PRICKLE2: variants seen among roughly 807,000 people sequenced by gnomAD.
The protein encoded by PRICKLE2 is prickle planar cell polarity protein 2.
Under a neutral mutation model 81.4 loss-of-function variants are expected in PRICKLE2, and 21 were observed. That is an observed-to-expected ratio of 0.26 (90% confidence interval 0.18 to 0.37). The LOEUF (loss-of-function observed/expected upper bound fraction) is 0.37, where lower values mean the gene tolerates loss of function less well. Among genes scored for constraint, PRICKLE2 ranks in the 10% least tolerant of loss-of-function variants. The pLI, the probability that PRICKLE2 is intolerant of heterozygous loss-of-function variation, is 1.00. For missense variants in PRICKLE2, 940 were observed against 1,109.0 expected, an observed-to-expected ratio of 0.85 and a Z score of 2.16; for synonymous variants, 456 against 421.5, an observed-to-expected ratio of 1.08 and a Z score of -1.00.
In PRICKLE2 at chr3:64,140,863, C is replaced by T. The variant is rs187652488; in HGVS notation, c.1660+5967G>A. Among the ~76,000 whole-genome samples the T allele has an allele frequency of 3.3e-5, 5 of 152,304 alleles. No homozygotes were observed. In the East Asian group the frequency reaches 9.6e-4, roughly 29 times the overall value. ...AGACAAATCAACAAGCCAGCTGTCA[C>T]AGGAGAGAAAATGCCTATCCCTTCA... On this transcript the variant is annotated intron_variant, in intron 7 of 7. Transcript: ENST00000638394.
intron 2 of PRICKLE2, among the ~76,000 whole-genome samples, chr3:64,184,619 C>A (rs1278978829): frequency 6.6e-6 from 1 of 150,862 alleles, no homozygotes; most frequent in Admixed American, 6.7e-5. Flanking sequence ...GGCTACAGGC[C>A]CACACCAATG....
chr3:64,199,978 T>A (rs1232506307), intron 1 of PRICKLE2: 1 of 152,204 alleles, frequency 6.6e-6, no homozygotes, highest in East Asian at 1.9e-4. Context: ...AACAGCTTTG[T>A]GAAGATACAA....
At chr3:64,115,464 T>C (rs1162108367) in intron 7 of PRICKLE2, among the ~76,000 whole-genome samples, 1 of 151,964 alleles carries the variant, frequency 6.6e-6, no homozygotes, top group African/African-American at 2.4e-5. Flanking sequence ...CCATCTCCCA[T>C]GCAGACACAC....
chr3:64,128,673 G>A (rs1024283509), intron 7 of PRICKLE2, among the ~76,000 whole-genome samples: 4 of 150,362 alleles, frequency 2.7e-5, no homozygotes, highest in African/African-American at 9.8e-5. Context: ...GTGAACCCGG[G>A]AGGGAGAGGT....
At chr3:64,117,046 A>G (rs567594774) in intron 7 of PRICKLE2, among the ~76,000 whole-genome samples, 1 of 152,372 alleles carries the variant, frequency 6.6e-6, no homozygotes, top group East Asian at 1.9e-4. Flanking sequence ...TTGATTCATC[A>G]TATGTAAATC....
intron 7 of PRICKLE2, among the ~76,000 whole-genome samples, chr3:64,113,789 C>T (rs1275647956): frequency 1.3e-5 from 2 of 151,716 alleles, no homozygotes; most frequent in South Asian, 4.2e-4. Context: ...GGGATCACTC[C>T]TGCTTGCAGG....
intron 6 of PRICKLE2, among the ~76,000 whole-genome samples, chr3:64,152,023 C>T (rs1365092934): frequency 6.6e-6 from 1 of 152,210 alleles, no homozygotes; most frequent in East Asian, 1.9e-4. Context: ...CACCGTTGAG[C>T]ACACGCTAGC....
chr3:64,109,014 C>T (rs1482069169), intron 7 of PRICKLE2, among the ~76,000 whole-genome samples: 1 of 152,128 alleles, frequency 6.6e-6, no homozygotes, highest in African/African-American at 2.4e-5. Context: ...TCGCCCCCAA[C>T]TGAGGACCGC....
At chr3:64,125,651 T>C (rs1329813771) in intron 7 of PRICKLE2, among the ~76,000 whole-genome samples, 1 of 152,238 alleles carries the variant, frequency 6.6e-6, no homozygotes, top group African/African-American at 2.4e-5. Context: ...TATTTTTAAA[T>C]TAATGTACAC....
intron 7 of PRICKLE2, among the ~76,000 whole-genome samples, chr3:64,134,631 C>T (rs984870429): frequency 2.0e-5 from 3 of 148,146 alleles, no homozygotes; most frequent in Non-Finnish European, 4.6e-5. Flanking sequence ...TCGAAGTGTT[C>T]CCTGGGTGGG....
chr3:64,242,096 T>C (rs2107171865), intron 2 of PRICKLE2, among the ~76,000 whole-genome samples: 1 of 152,276 alleles, frequency 6.6e-6, no homozygotes, highest in South Asian at 2.1e-4. Context: ...CTTTTCTCTT[T>C]TTTGCAAGCA....
Position 64,224,849 on chromosome 3 carries a change from C to T in PRICKLE2, c.-41+61G>A, listed in dbSNP as rs189425214. On this transcript the variant is annotated intron_variant, in intron 1 of 7. Coordinates refer to ENST00000638394, the MANE Select transcript of PRICKLE2 (RefSeq NM_198859.4). ...GCAAAGGCCCTAGATCTGGCTTTCTCATCCTCCTTAGAAAATATACTGCTG... is the reference window on the plus strand; with the variant it reads ...GCAAAGGCCCTAGATCTGGCTTTCTTATCCTCCTTAGAAAATATACTGCTG... 180 of 942,872 alleles carry T rather than the reference C, an allele frequency of 1.9e-4. 2 individuals are homozygous for T. In the Admixed American group the frequency reaches 9.0e-3, roughly 47 times the overall value. The allele number at this position is 942,872 out of a possible 1,614,324, so 58.4% of individuals were successfully genotyped here. A position where few individuals can be genotyped will look rare whatever the true frequency, so the allele number is the denominator to read the frequency against.
rs2076565472 is a variant in PRICKLE2, at chr3:64,095,895, A to C, written c.*3156T>G. ...TCTCCCTTACCTCATTCACCTTCAC[A>C]CTTGGTAGAGATCCCACAACTATAT... On this transcript the variant is annotated 3_prime_UTR_variant, in exon 8 of 8. Coordinates refer to ENST00000638394, the MANE Select transcript of PRICKLE2 (RefSeq NM_198859.4). The C allele has an allele frequency of 6.6e-6, 1 of 152,178 alleles. No homozygotes were observed. Among genetic ancestry groups the C allele is most frequent in the South Asian group, 2.1e-4 (1 of 4,824 alleles). 9.4% of individuals were successfully genotyped at this position (152,178 alleles called of 1,614,324 possible). A position where few individuals can be genotyped will look rare whatever the true frequency, so the allele number is the denominator to read the frequency against.
chr3:64,158,122 T>G (rs1025838575), intron 4 of PRICKLE2, among the ~76,000 whole-genome samples: 1 of 152,170 alleles, frequency 6.6e-6, no homozygotes, highest in Admixed American at 6.5e-5. Context: ...AAGAATAAAA[T>G]GTGGAAAGTA....
At position 64,157,602 on chromosome 3, in the gene PRICKLE2, C is replaced by T. The variant is rs2111684; in HGVS notation, c.397-237G>A. 0.38 allele frequency among the ~76,000 whole-genome samples: 57,674 copies of T among 152,084 alleles called. 12,580 individuals carry two copies. Among genetic ancestry groups the T allele is most frequent in the Admixed American group, 0.52 (7,896 of 15,264 alleles). ...AAGTCATTGGGAGAATGAGGAATCACAAAGGTGGGAAAGAAAGAAAAGCTC... is the reference window on the plus strand; with the variant it reads ...AAGTCATTGGGAGAATGAGGAATCATAAAGGTGGGAAAGAAAGAAAAGCTC... On this transcript the variant is annotated intron_variant, in intron 4 of 7. Transcript: ENST00000638394.
In PRICKLE2 at chr3:64,251,517, T is replaced by C. The variant is rs757636702; in HGVS notation, c.129-52550A>G. On this transcript the variant is annotated intron_variant, in intron 2 of 8. Coordinates refer to the PRICKLE2 transcript ENST00000295902. ...GTATGCATAAGATGACAAATCCTGA[T>C]ACAGCCGACTTTGACAAAAAAGGGA... Among the ~76,000 whole-genome samples the C allele has an allele frequency of 1.1e-3, 160 of 152,208 alleles. 1 individual carries two copies. Among genetic ancestry groups the C allele is most frequent in the Non-Finnish European group, 2.2e-3 (149 of 68,038 alleles).
chr3:64,179,023 CTTTCTTTCTTTCTTTT>C lies in PRICKLE2; in HGVS notation c.145-15910_145-15895del, dbSNP rs1278263241. On this transcript the variant is annotated intron_variant, in intron 2 of 7. Coordinates refer to ENST00000638394, the MANE Select transcript of PRICKLE2 (RefSeq NM_198859.4). Reference sequence around the variant, plus strand: ...TCTTTCTTTCTTTCTTTCTTTCTTTCTTTCTTTCTTTCTTTTCTTTCCTTCTTTCTTTCTTCTTTTT... The same window carrying C: ...TCTTTCTTTCTTTCTTTCTTTCTTTCCTTTCCTTCTTTCTTTCTTCTTTTT... Among the ~76,000 whole-genome samples, 221 of 128,110 alleles carry C rather than the reference CTTTCTTTCTTTCTTTT, an allele frequency of 1.7e-3. 1 individual carries two copies. Among genetic ancestry groups the C allele is most frequent in the Non-Finnish European group, 3.1e-3 (183 of 59,476 alleles). The allele number at this position is 128,110 out of a possible 152,430, so 84.0% of individuals were successfully genotyped here.
At chr3:64,161,629 T>A (rs1406523026) in intron 3 of PRICKLE2, among the ~76,000 whole-genome samples, 1 of 151,344 alleles carries the variant, frequency 6.6e-6, no homozygotes, top group Admixed American at 6.6e-5. Context: ...GTGTCTCTTT[T>A]CATAAAAGCA....
chr3:64,115,457 T>G (rs1274812096), intron 7 of PRICKLE2, among the ~76,000 whole-genome samples: 1 of 151,852 alleles, frequency 6.6e-6, no homozygotes, highest in Non-Finnish European at 1.5e-5. Flanking sequence ...AAGAGACCCA[T>G]CTCCCATGCA....
Sources: gnomAD v4.1 joint callset for allele counts (sites outside exome capture counted in the v4.1 genomes callset) on GRCh38, gnomAD v4.1.1 for gene constraint, MANE v1.5 for transcripts, NCBI Gene and HGNC (gene_info 2026-07-23, HGNC 2026-07-21) for gene names.